FIRRM: variants seen among roughly 807,000 people sequenced by gnomAD.
The protein encoded by FIRRM is FIGNL1 interacting regulator of recombination and mitosis, also known as FIGNL1-interacting regulator of recombination and mitosis.
chr1:169,794,811 A>C, the FIRRM span: 1 of 395,124 alleles, frequency 2.5e-6, no homozygotes, highest in Non-Finnish European at 4.8e-6. Flanking sequence ...ACAGTGATCC[A>C]GACCTGGGGA....
chr1:169,801,819 G>A, the FIRRM span, among the ~76,000 whole-genome samples: 3 of 152,052 alleles, frequency 2.0e-5, no homozygotes, highest in East Asian at 5.8e-4. Flanking sequence ...ATTGAAATGG[G>A]TTTCTAACTT....
chr1:169,826,927 C>A, the FIRRM span: 2 of 818,692 alleles, frequency 2.4e-6, no homozygotes, highest in Non-Finnish European at 3.7e-6. Context: ...AAAATGCACA[C>A]TTATTTTTAA....
the FIRRM span, chr1:169,850,613 T>C: frequency 7.6e-6 from 2 of 262,202 alleles, no homozygotes; most frequent in Non-Finnish European, 7.4e-6. Flanking sequence ...CTGGCCAACA[T>C]GGGGAAACCC....
At chr1:169,792,621 A>G in the FIRRM span, 56 of 1,596,874 alleles carry the variant, frequency 3.5e-5, no homozygotes, top group East Asian at 8.0e-4. Flanking sequence ...AACCTCTTCA[A>G]TCCTTCATCA....
chr1:169,827,303 G>A, the FIRRM span: 2 of 989,398 alleles, frequency 2.0e-6, no homozygotes, highest in Non-Finnish European at 3.0e-6. Context: ...TTTTTATTAA[G>A]TTTCTTTTAC....
At chr1:169,849,932 T>A in the FIRRM span, 1 of 466,800 alleles carries the variant, frequency 2.1e-6, no homozygotes, top group Non-Finnish European at 3.8e-6. Flanking sequence ...CTATCAGTCA[T>A]AAGGGTTAGG....
the FIRRM span, chr1:169,853,623 G>T: frequency 7.2e-7 from 1 of 1,389,932 alleles, no homozygotes; most frequent in Non-Finnish European, 1.0e-6. Flanking sequence ...GCCACTTTGG[G>T]GTTTTCTTGT....
At chr1:169,825,081 T>C in the FIRRM span, among the ~76,000 whole-genome samples, 1 of 152,220 alleles carries the variant, frequency 6.6e-6, no homozygotes, top group Non-Finnish European at 1.5e-5. Flanking sequence ...AATGTTACCT[T>C]CAGTGCACAC....
the FIRRM span, among the ~76,000 whole-genome samples, chr1:169,792,258 A>T: frequency 6.6e-6 from 1 of 152,254 alleles, no homozygotes; most frequent in Non-Finnish European, 1.5e-5. Flanking sequence ...CACAGACTTG[A>T]GAGAAGAAAT....
the FIRRM span, among the ~76,000 whole-genome samples, chr1:169,808,788 G>A: frequency 9.9e-4 from 151 of 152,042 alleles, no homozygotes; most frequent in African/African-American, 3.6e-3. Flanking sequence ...TAGTAGAGAC[G>A]GGGTTTCGCC....
At chr1:169,809,396 A>G in the FIRRM span, among the ~76,000 whole-genome samples, 1 of 152,136 alleles carries the variant, frequency 6.6e-6, no homozygotes, top group African/African-American at 2.4e-5. Flanking sequence ...TTTATCCTAT[A>G]GATTCATATT....
the FIRRM span, among the ~76,000 whole-genome samples, chr1:169,791,050 G>T: frequency 1.3e-5 from 2 of 152,200 alleles, no homozygotes; most frequent in Non-Finnish European, 2.9e-5. Flanking sequence ...GCACTCCCAT[G>T]AGAATCTAAC....
At chr1:169,836,053 ATT>A in the FIRRM span, among the ~76,000 whole-genome samples, 24,969 of 142,032 alleles carry the variant, frequency 0.18, 2,588 homozygotes, top group East Asian at 0.38. Context: ...GTCAGATTTA[ATT>A]TTTTTTTTTT....
chr1:169,802,556 A>G, the FIRRM span: 4 of 1,095,624 alleles, frequency 3.7e-6, no homozygotes, highest in Admixed American at 2.2e-5. Context: ...TTCTCTGTAA[A>G]GTTTTGTCTT....
the FIRRM span, chr1:169,843,733 T>C: frequency 3.1e-6 from 5 of 1,611,842 alleles, no homozygotes; most frequent in Admixed American, 8.3e-5. Context: ...TGTTGGGATT[T>C]TTCATTCAAA....
At chr1:169,793,521 G>A in the FIRRM span, 2 of 1,614,168 alleles carry the variant, frequency 1.2e-6, no homozygotes, top group East Asian at 4.5e-5. Flanking sequence ...TCCCACAAGT[G>A]ATCCTGAGGC....
At chr1:169,798,928 C>A in the FIRRM span, 46 of 1,331,048 alleles carry the variant, frequency 3.5e-5, no homozygotes, top group Non-Finnish European at 4.6e-5. Context: ...CTCATTGTCT[C>A]AACATTCTGA....
At chr1:169,803,395 C>G in the FIRRM span, 4 of 1,253,426 alleles carry the variant, frequency 3.2e-6, no homozygotes, top group Non-Finnish European at 4.3e-6. Context: ...TAAGATTTTA[C>G]ATTTTAGTCT....
the FIRRM span, among the ~76,000 whole-genome samples, chr1:169,797,136 A>G: frequency 2.0e-5 from 3 of 152,248 alleles, no homozygotes; most frequent in Non-Finnish European, 4.4e-5. Flanking sequence ...AGTGCCTGAC[A>G]CATAGTAAGC....
Sources: allele counts gnomAD v4.1 joint callset (sites outside exome capture counted in the v4.1 genomes callset), GRCh38; gene constraint gnomAD v4.1.1; transcripts MANE v1.5; gene names NCBI Gene and HGNC (gene_info 2026-07-23, HGNC 2026-07-21).